The following HPD variants were observed in gnomAD, a reference collection of about 807,000 sequenced individuals.
HPD encodes the protein 4-hydroxyphenylpyruvate dioxygenase.
A neutral mutation model predicts 56.9 loss-of-function variants in HPD; 35 were observed. The observed-to-expected ratio is 0.62, with a 90% confidence interval of 0.47 to 0.82. The LOEUF (loss-of-function observed/expected upper bound fraction) is 0.82. HPD is among the 40% of genes least tolerant of loss of function. The probability of loss-of-function intolerance (pLI) is 0.00; values close to 1 mark genes in which losing one functional copy is unlikely to be tolerated. For synonymous variants in HPD, 186 were observed against 200.2 expected, an observed-to-expected ratio of 0.93 and a Z score of 0.60; for missense variants, 442 against 506.8, an observed-to-expected ratio of 0.87 and a Z score of 1.23.
At chr12:121,879,455 CTT>C in the HPD span, among the ~76,000 whole-genome samples, 1 of 143,482 alleles carries the variant, frequency 7.0e-6, no homozygotes, top group Non-Finnish European at 1.5e-5. Flanking sequence ...CCAGACTACT[CTT>C]TTCTTTTCTT....
chr12:121,839,849 A>C lies in HPD; in HGVS notation c.1072-11T>G. The C allele has an allele frequency of 6.2e-7, 1 of 1,613,294 alleles. No homozygotes were observed. The highest frequency in any genetic ancestry group is 1.1e-5 in the South Asian group (1 of 91,062). On this transcript the variant is annotated splice_polypyrimidine_tract_variant and intron_variant, in intron 13 of 13. Coordinates refer to ENST00000289004, the MANE Select transcript of HPD (RefSeq NM_002150.3). Reference sequence around the variant, plus strand: ...GCCGGCTCCAAAACCCTGTGGCGGGAAAGAGAGGAGATGAGCCAAGGACCC... The same window carrying C: ...GCCGGCTCCAAAACCCTGTGGCGGGCAAGAGAGGAGATGAGCCAAGGACCC...
the HPD span, among the ~76,000 whole-genome samples, chr12:121,886,418 T>G: frequency 6.7e-6 from 1 of 148,962 alleles, no homozygotes; most frequent in Non-Finnish European, 1.5e-5. Flanking sequence ...TAGTTTTTTT[T>G]TTTTTTTTTT....
intron 9 of HPD, among the ~76,000 whole-genome samples, chr12:121,848,026 A>G (rs1877643685): frequency 1.3e-5 from 2 of 152,130 alleles, no homozygotes; most frequent in Admixed American, 6.6e-5. Flanking sequence ...CGAAATACAT[A>G]CAGGACGGCA....
At chr12:121,855,256 C>T (rs777186487) in intron 6 of HPD, among the ~76,000 whole-genome samples, 20 of 152,190 alleles carry the variant, frequency 1.3e-4, no homozygotes, top group Non-Finnish European at 2.6e-4. Context: ...GTACTATTAT[C>T]ATCTCCATTC....
At chr12:121,840,872 T>G (rs1259787512) in intron 12 of HPD, among the ~76,000 whole-genome samples, 1 of 149,990 alleles carries the variant, frequency 6.7e-6, no homozygotes, top group Non-Finnish European at 1.5e-5. Context: ...CTGGCCAACA[T>G]GGGGAAACCC....
the HPD span, among the ~76,000 whole-genome samples, chr12:121,876,486 C>A: frequency 3.3e-5 from 5 of 152,140 alleles, no homozygotes; most frequent in Admixed American, 1.3e-4. Context: ...GATCAAGGCC[C>A]GGGGTACATC....
chr12:121,878,163 T>C, the HPD span, among the ~76,000 whole-genome samples: 1 of 152,210 alleles, frequency 6.6e-6, no homozygotes. Context: ...TTCACTGTTT[T>C]GTGACTCTCA....
the HPD span, among the ~76,000 whole-genome samples, chr12:121,872,915 G>A: frequency 3.3e-5 from 5 of 152,034 alleles, no homozygotes; most frequent in Non-Finnish European, 7.4e-5. Context: ...CAAGCTCCTG[G>A]ATGAGTCAAA....
intron 11 of HPD, among the ~76,000 whole-genome samples, chr12:121,844,867 C>T (rs1013337291): frequency 5.3e-5 from 8 of 150,452 alleles, no homozygotes; most frequent in Non-Finnish European, 7.4e-5. Flanking sequence ...AGCAACAGAG[C>T]GAGACTCTGT....
intron 12 of HPD, among the ~76,000 whole-genome samples, chr12:121,843,386 C>T (rs1456046610): frequency 6.6e-6 from 1 of 152,218 alleles, no homozygotes; most frequent in Non-Finnish European, 1.5e-5. Flanking sequence ...GCCTTTCTTC[C>T]CGCTGTTCAC....
upstream of HPD, among the ~76,000 whole-genome samples, chr12:121,864,838 G>T (rs1308519825): frequency 6.9e-6 from 1 of 145,276 alleles, no homozygotes; most frequent in Non-Finnish European, 1.5e-5. Flanking sequence ...GGGCGACAGA[G>T]TGAGACTCCG....
chr12:121,857,909 A>C, intron 2 of HPD, 90 bp from the exon 3 acceptor site: 1 of 958,452 alleles, frequency 1.0e-6, no homozygotes, highest in Non-Finnish European at 1.7e-6. Context: ...CACCCTCCTT[A>C]TTCCAGCCTC....
At chr12:121,888,570 G>T in the HPD span, among the ~76,000 whole-genome samples, 1 of 152,232 alleles carries the variant, frequency 6.6e-6, no homozygotes, top group Non-Finnish European at 1.5e-5. Flanking sequence ...AAATGAGTCA[G>T]CTGGGGCGAG....
chr12:121,875,158 GA>G, the HPD span, among the ~76,000 whole-genome samples: 4 of 152,196 alleles, frequency 2.6e-5, no homozygotes, highest in Non-Finnish European at 5.9e-5. Flanking sequence ...GGCCTCTGCT[GA>G]AACTACTGTA....
chr12:121,883,537 T>C, the HPD span, among the ~76,000 whole-genome samples: 3 of 152,034 alleles, frequency 2.0e-5, no homozygotes, highest in Admixed American at 2.0e-4. Flanking sequence ...GACAAGCTCA[T>C]AATGTAGTAA....
At chr12:121,877,863 G>A in the HPD span, among the ~76,000 whole-genome samples, 1 of 152,218 alleles carries the variant, frequency 6.6e-6, no homozygotes, top group South Asian at 2.1e-4. Flanking sequence ...TGGGCCTGGT[G>A]TGGCCGGATT....
upstream of HPD, among the ~76,000 whole-genome samples, chr12:121,865,197 G>A (rs558625018): frequency 4.6e-5 from 7 of 152,128 alleles, no homozygotes; most frequent in African/African-American, 1.2e-4. Context: ...GAACCTGGGA[G>A]TCGGAGGCTG....
At chr12:121,861,513 A>ATAAGTAAG (rs55755069), upstream of HPD, among the ~76,000 whole-genome samples, 4 of 151,820 alleles carry the variant, frequency 2.6e-5, no homozygotes, top group African/African-American at 9.7e-5. Flanking sequence ...AAATAAAGAA[A>ATAAGTAAG]TAAGTAAGTA....
At chr12:121,854,945 C>A (rs1877941361) in intron 6 of HPD, among the ~76,000 whole-genome samples, 153 bp from the exon 7 acceptor site, 1 of 152,094 alleles carries the variant, frequency 6.6e-6, no homozygotes, top group South Asian at 2.1e-4. Flanking sequence ...CAGCCATTAC[C>A]CCCAATACTC....
Sources: allele counts gnomAD v4.1 joint callset (sites outside exome capture counted in the v4.1 genomes callset), GRCh38; gene constraint gnomAD v4.1.1; transcripts MANE v1.5; gene names NCBI Gene and HGNC (gene_info 2026-07-23, HGNC 2026-07-21).